The following GRID2 variants were observed in gnomAD, a reference collection of about 807,000 sequenced individuals.
GRID2 encodes the protein glutamate receptor ionotropic, delta-2.
Under a neutral mutation model 114.8 loss-of-function variants are expected in GRID2, and 33 were observed. The observed-to-expected ratio is 0.29, with a 90% CI of 0.22 to 0.38. GRID2 has a LOEUF of 0.38. Among genes scored for constraint, GRID2 ranks in the 10% least tolerant of loss-of-function variants. The pLI, the probability that GRID2 is intolerant of heterozygous loss-of-function variation, is 1.00. For missense variants in GRID2, 1,184 were observed against 1,257.7 expected (o/e 0.94, Z 0.89); for synonymous variants, 505 against 449.9 (o/e 1.12, Z -1.55).
In GRID2 at chr4:93,249,315, A is replaced by C. The variant is rs906823372; in HGVS notation, c.1245+10825A>C. ...TGAAGTCAGGTAGCAAGATGCCTCC[A>C]GCTTTGTTCTTTTGGCTTAGGATTG... On this transcript the variant is annotated intron_variant, in intron 8 of 15. Coordinates refer to ENST00000282020, the MANE Select transcript of GRID2 (RefSeq NM_001510.4). 2.0e-5 allele frequency among the ~76,000 whole-genome samples: 3 copies of C among 152,306 alleles called. No individual in the cohort carries two copies. The East Asian group carries it at 5.8e-4, about 29-fold the overall frequency.
chr4:93,486,727 C>T (rs1209022466), intron 11 of GRID2, among the ~76,000 whole-genome samples: 3 of 151,630 alleles, frequency 2.0e-5, no homozygotes, highest in Admixed American at 2.0e-4. Flanking sequence ...TTATGCAGTT[C>T]TCCGTTTGCT....
chr4:92,406,039 T>G (rs1731014354), intron 1 of GRID2, among the ~76,000 whole-genome samples: 1 of 152,118 alleles, frequency 6.6e-6, no homozygotes, highest in East Asian at 1.9e-4. Context: ...AGATGTAGGT[T>G]GGGAGGCTAG....
At chr4:92,695,567 G>C (rs1734389273) in intron 2 of GRID2, among the ~76,000 whole-genome samples, 1 of 151,962 alleles carries the variant, frequency 6.6e-6, no homozygotes, top group African/African-American at 2.4e-5. Context: ...GGGAGATTTA[G>C]TGTGTGATAA....
At chr4:92,551,515 T>G (rs534012910) in intron 1 of GRID2, among the ~76,000 whole-genome samples, 1 of 152,276 alleles carries the variant, frequency 6.6e-6, no homozygotes, top group African/African-American at 2.4e-5. Flanking sequence ...ATCTCAGAGA[T>G]AGATAAATTC....
intron 1 of GRID2, among the ~76,000 whole-genome samples, chr4:92,316,307 G>T (rs1481817024): frequency 6.6e-6 from 1 of 152,126 alleles, no homozygotes; most frequent in Non-Finnish European, 1.5e-5. Context: ...TTCTTAAATG[G>T]TTTTTCAATT....
chr4:92,740,734 A>G (rs200216088), intron 2 of GRID2, among the ~76,000 whole-genome samples: 12 of 119,238 alleles, frequency 1.0e-4, no homozygotes, highest in East Asian at 4.4e-4. Flanking sequence ...ATAGATAGAT[A>G]GATAGATGGA....
At chr4:92,925,113 C>T (rs1181058437) in intron 2 of GRID2, among the ~76,000 whole-genome samples, 1 of 152,064 alleles carries the variant, frequency 6.6e-6, no homozygotes, top group Non-Finnish European at 1.5e-5. Flanking sequence ...TCCACACCTT[C>T]CTGTAACATT....
At position 93,455,817 on chromosome 4, in the gene GRID2, C is replaced by T. The variant is rs749285056; in HGVS notation, c.1701C>T (p.Leu567=). ...TTGCCTGTCTTGCACCATTTGATCT[C>T]TCTCTATGGGCTTGCATTGCTGGCA... ...DMFACLAPFD[L]SLWACIAGTV... Residue 567 remains leucine (L), a synonymous_variant, in exon 11 of 16, where the codon CTC becomes CTT. Coordinates refer to ENST00000282020, the MANE Select transcript of GRID2 (RefSeq NM_001510.4). 1.2e-6 allele frequency: 2 copies of T among 1,613,738 alleles called. No individual in the cohort carries two copies. Among genetic ancestry groups the T allele is most frequent in the Admixed American group, 1.7e-5 (1 of 59,994 alleles).
chr4:92,659,772 T>A (rs1222166573), intron 2 of GRID2, among the ~76,000 whole-genome samples: 1 of 151,442 alleles, frequency 6.6e-6, no homozygotes, highest in Non-Finnish European at 1.5e-5. Flanking sequence ...TACCCCACAT[T>A]TTCCAGATTC....
At chr4:93,064,803 G>A (rs1325372964) in intron 2 of GRID2, among the ~76,000 whole-genome samples, 1 of 151,858 alleles carries the variant, frequency 6.6e-6, no homozygotes, top group Non-Finnish European at 1.5e-5. Flanking sequence ...ATTAGCATAT[G>A]TTTAATGACA....
intron 8 of GRID2, among the ~76,000 whole-genome samples, chr4:93,360,388 A>G (rs1387601628): frequency 6.6e-6 from 1 of 152,018 alleles, no homozygotes; most frequent in Non-Finnish European, 1.5e-5. Flanking sequence ...TGTGCTCAAT[A>G]ATGATATTTT....
At chr4:93,287,660 A>G (rs1043148231) in intron 8 of GRID2, among the ~76,000 whole-genome samples, 2 of 152,138 alleles carry the variant, frequency 1.3e-5, no homozygotes, top group Non-Finnish European at 2.9e-5. Flanking sequence ...ATTTTAAAAT[A>G]TTTTCCTAAT....
chr4:92,642,194 A>G (rs1311717621), intron 2 of GRID2, among the ~76,000 whole-genome samples: 1 of 151,680 alleles, frequency 6.6e-6, no homozygotes, highest in Non-Finnish European at 1.5e-5. Context: ...TGGTGGCTCT[A>G]TTTTAAGTTC....
chr4:92,625,641 T>TA (rs1730484509), intron 2 of GRID2, among the ~76,000 whole-genome samples: 2 of 151,880 alleles, frequency 1.3e-5, no homozygotes, highest in African/African-American at 4.8e-5. Context: ...CTAGATTTTT[T>TA]ATCTGTAAAT....
chr4:92,466,151 A>G (rs989490191), intron 1 of GRID2, among the ~76,000 whole-genome samples: 4 of 151,792 alleles, frequency 2.6e-5, no homozygotes, highest in Non-Finnish European at 4.4e-5. Context: ...TTACTACACT[A>G]TATATATGTT....
At chr4:92,639,655 G>A (rs1731248104) in intron 2 of GRID2, among the ~76,000 whole-genome samples, 1 of 151,356 alleles carries the variant, frequency 6.6e-6, no homozygotes, top group East Asian at 2.0e-4. Flanking sequence ...GAATGAGGGG[G>A]GCCTGGATGA....
At chr4:92,634,477 C>T (rs569841307) in intron 2 of GRID2, among the ~76,000 whole-genome samples, 65 of 152,142 alleles carry the variant, frequency 4.3e-4, no homozygotes, top group African/African-American at 1.3e-3. Context: ...GTTTTATTCA[C>T]GTACAACCAA....
intron 8 of GRID2, among the ~76,000 whole-genome samples, chr4:93,382,020 T>C (rs1019874741): frequency 6.6e-6 from 1 of 152,218 alleles, no homozygotes; most frequent in African/African-American, 2.4e-5. Context: ...TTGCCAGATA[T>C]AGGATTCTTG....
intron 7 of GRID2, among the ~76,000 whole-genome samples, chr4:93,234,575 G>A (rs186963479): frequency 8.6e-5 from 13 of 151,026 alleles, no homozygotes; most frequent in Non-Finnish European, 1.5e-4. Flanking sequence ...ATACACACAC[G>A]TAATGTTACA....
Sources: allele counts gnomAD v4.1 joint callset (sites outside exome capture counted in the v4.1 genomes callset), GRCh38; gene constraint gnomAD v4.1.1; transcripts MANE v1.5; gene names NCBI Gene and HGNC (gene_info 2026-07-23, HGNC 2026-07-21).